NDUFB7: variants seen among roughly 807,000 people sequenced by gnomAD.
The protein encoded by NDUFB7 is NADH dehydrogenase [ubiquinone] 1 beta subcomplex subunit 7.
Under a neutral mutation model 14.7 loss-of-function variants are expected in NDUFB7, and 18 were observed. The observed-to-expected ratio is 1.22, with a 90% CI of 0.85 to 1.81. The LOEUF is 1.81. NDUFB7 is among the 40% of genes most tolerant of loss of function. The pLI is 0.00. For missense variants in NDUFB7, 219 were observed against 195.0 expected, an observed-to-expected ratio of 1.12 and a Z score of -0.73; for synonymous variants, 86 against 76.1, an observed-to-expected ratio of 1.13 and a Z score of -0.68.
chr19:14,567,177 T>TC lies in NDUFB7; in HGVS notation c.113-245dup, dbSNP rs1330796903. The stretch of plus-strand genomic sequence containing the variant: ...CCAGACAGGAGAAGGTGGCTCCCCA[T>TC]CACCCTGAGGCACCTCAACATCCCG... On this transcript the variant is annotated intron_variant, in intron 1 of 2. Coordinates refer to ENST00000215565, the MANE Select transcript of NDUFB7 (RefSeq NM_004146.6). This position sits in a 1 kb window ranked among gnomAD's most constrained non-coding sequence, Gnocchi z 5.1. Among the ~76,000 whole-genome samples, 1 of 152,054 alleles carries TC rather than the reference T, an allele frequency of 6.6e-6. No homozygotes were observed. The highest frequency in any genetic ancestry group is 1.9e-4 in the East Asian group (1 of 5,172).
At chr19:14,568,820 A>G (rs1251353337) in intron 1 of NDUFB7, among the ~76,000 whole-genome samples, 1 of 152,064 alleles carries the variant, frequency 6.6e-6, no homozygotes, top group Non-Finnish European at 1.5e-5. Context: ...GCAGTGGGTG[A>G]TAACCACCCC....
chr19:14,569,302 C>G (rs2074111244), intron 1 of NDUFB7, among the ~76,000 whole-genome samples: 1 of 152,068 alleles, frequency 6.6e-6, no homozygotes, highest in Non-Finnish European at 1.5e-5. Context: ...CGCCACCACA[C>G]CCAGCTAATT....
At chr19:14,566,349 A>G in intron 2 of NDUFB7, 84 bp from the exon 3 acceptor site, 1 of 1,594,504 alleles carries the variant, frequency 6.3e-7, no homozygotes, top group Non-Finnish European at 8.5e-7. Context: ...GGGCCGTCCC[A>G]GAGCACTGTG....
At position 14,572,033 on chromosome 19, in the gene NDUFB7, G is replaced by A; in HGVS notation, c.-33C>T. ...GTCGCTGCAGATCCCTGCAGCAGCCGAGGGTCACCTAGCTCCTACCCGGAA... is the reference window on the plus strand; with the variant it reads ...GTCGCTGCAGATCCCTGCAGCAGCCAAGGGTCACCTAGCTCCTACCCGGAA... On this transcript the variant is annotated 5_prime_UTR_variant, in exon 1 of 3. Coordinates refer to ENST00000215565, the MANE Select transcript of NDUFB7 (RefSeq NM_004146.6). The A allele has an allele frequency of 1.3e-6, 2 of 1,517,606 alleles. No individual in the cohort carries two copies. Among genetic ancestry groups the A allele is most frequent in the Non-Finnish European group, 1.8e-6 (2 of 1,117,314 alleles). 94.0% of individuals were successfully genotyped at this position (1,517,606 alleles called of 1,614,324 possible). A position where few individuals can be genotyped will look rare whatever the true frequency, so the allele number is the denominator to read the frequency against.
rs2074098640 is a variant in NDUFB7, at chr19:14,567,447, G to A, written c.113-514C>T. Among the ~76,000 whole-genome samples, 1 of 152,120 alleles carries A rather than the reference G, an allele frequency of 6.6e-6. No homozygotes were observed. The highest frequency in any genetic ancestry group is 1.5e-5 in the Non-Finnish European group (1 of 68,032). ...CAGAACTGACCATCCGGTCATGGAAGTTACCCGAGCATCCACTGAGCTAAC... is the reference window on the plus strand; with the variant it reads ...CAGAACTGACCATCCGGTCATGGAAATTACCCGAGCATCCACTGAGCTAAC... On this transcript the variant is annotated intron_variant, in intron 1 of 2. Coordinates refer to ENST00000215565, the MANE Select transcript of NDUFB7 (RefSeq NM_004146.6). The surrounding 1 kb of genome is among the most constrained non-coding windows in gnomAD (Gnocchi z 5.1).
At chr19:14,569,667 C>T (rs1298805559) in intron 1 of NDUFB7, among the ~76,000 whole-genome samples, 3 of 152,112 alleles carry the variant, frequency 2.0e-5, no homozygotes, top group African/African-American at 4.8e-5. Context: ...TCAGCTGGGG[C>T]GGAAGGACTA....
chr19:14,566,295 G>T, intron 2 of NDUFB7, 30 bp from the exon 3 acceptor site: 1 of 1,613,046 alleles, frequency 6.2e-7, no homozygotes. Context: ...GGGGCTGTCA[G>T]GGTCCCTGGC....
chr19:14,571,753 G>T (rs950708714), intron 1 of NDUFB7, 136 bp downstream of exon 1: 2 of 778,740 alleles, frequency 2.6e-6, no homozygotes, highest in Non-Finnish European at 4.2e-6. Flanking sequence ...ACGTCCTGTG[G>T]ACTCCTAGTC....
intron 1 of NDUFB7, 37 bp downstream of exon 1, chr19:14,571,852 C>T: frequency 6.3e-7 from 1 of 1,578,498 alleles, no homozygotes; most frequent in Non-Finnish European, 8.6e-7. Context: ...CACCCGCGCC[C>T]CACGCCCTCT....
intron 1 of NDUFB7, among the ~76,000 whole-genome samples, chr19:14,570,510 T>C (rs967676294): frequency 2.0e-5 from 3 of 151,920 alleles, no homozygotes; most frequent in Admixed American, 2.0e-4. Context: ...TCAATTTTTA[T>C]ATTTTTAGTA....
chr19:14,570,951 A>G (rs1008165108), intron 1 of NDUFB7, among the ~76,000 whole-genome samples: 1 of 152,008 alleles, frequency 6.6e-6, no homozygotes, highest in South Asian at 2.1e-4. Flanking sequence ...TGAGCCCAGG[A>G]GTTTGAGACC....
intron 1 of NDUFB7, among the ~76,000 whole-genome samples, chr19:14,569,342 A>G (rs1391655716): frequency 6.6e-6 from 1 of 152,184 alleles, no homozygotes; most frequent in African/African-American, 2.4e-5. Context: ...TTGTAGAGAC[A>G]GGGCCTTGCT....
intron 1 of NDUFB7, among the ~76,000 whole-genome samples, chr19:14,568,399 C>CT (rs1490898660): frequency 6.6e-6 from 1 of 152,152 alleles, no homozygotes; most frequent in African/African-American, 2.4e-5. Context: ...GATGTGGTCC[C>CT]TCCACCCCAC....
chr19:14,570,983 C>A (rs1194171574), intron 1 of NDUFB7, among the ~76,000 whole-genome samples: 1 of 151,594 alleles, frequency 6.6e-6, no homozygotes, highest in African/African-American at 2.4e-5. Context: ...CACAGCAAGA[C>A]CCCCAACTCT....
At chr19:14,566,694 AGGGGTGTGGAAGGCTGGGGGTAT>A (rs1314168382) in intron 2 of NDUFB7, 48 bp downstream of exon 2, 4 of 1,022,062 alleles carry the variant, frequency 3.9e-6, no homozygotes, top group African/African-American at 7.6e-5. Context: ...TGGGTGGGCC[AGGGGTGTGGAAGGCTGGGGGTAT>A]GGGGTGTTGC....
At chr19:14,570,040 C>T (rs1212055803) in intron 1 of NDUFB7, among the ~76,000 whole-genome samples, 1 of 151,646 alleles carries the variant, frequency 6.6e-6, no homozygotes, top group Non-Finnish European at 1.5e-5. Context: ...TACAGGCATG[C>T]GCCACCACAC....
At chr19:14,571,653 C>T (rs1457969330) in intron 1 of NDUFB7, among the ~76,000 whole-genome samples, 7 of 152,170 alleles carry the variant, frequency 4.6e-5, no homozygotes, top group South Asian at 4.1e-4. Context: ...CCTGCCCGAA[C>T]CCCCACTTGT....
chr19:14,571,273 G>C lies in NDUFB7; in HGVS notation c.112+616C>G, dbSNP rs1979338801. ...AAGGGGGTACAATGAACGTGTCCCTGCCCTCCCATGACTCCCCACGTCCCC... is the reference window on the plus strand; with the variant it reads ...AAGGGGGTACAATGAACGTGTCCCTCCCCTCCCATGACTCCCCACGTCCCC... On this transcript the variant is annotated intron_variant, in intron 1 of 2. Coordinates refer to ENST00000215565, the MANE Select transcript of NDUFB7 (RefSeq NM_004146.6). Among the ~76,000 whole-genome samples, 2 of 152,142 alleles carry C rather than the reference G, an allele frequency of 1.3e-5. 1 individual carries two copies. Among genetic ancestry groups the C allele is most frequent in the Admixed American group, 1.3e-4 (2 of 15,268 alleles).
chr19:14,570,066 A>G (rs1416629741), intron 1 of NDUFB7, among the ~76,000 whole-genome samples: 1 of 151,054 alleles, frequency 6.6e-6, no homozygotes, highest in East Asian at 2.0e-4. Flanking sequence ...TAATTTTTGT[A>G]TTTTTAGTAG....
Sources: allele counts gnomAD v4.1 joint callset (sites outside exome capture counted in the v4.1 genomes callset), GRCh38; gene constraint gnomAD v4.1.1; non-coding constraint Gnocchi (gnomAD v3.1); transcripts MANE v1.5; gene names NCBI Gene and HGNC (gene_info 2026-07-23, HGNC 2026-07-21).